Variants in TRNAU1AP observed in about 807,000 individuals in gnomAD.
The protein encoded by TRNAU1AP is tRNA selenocysteine 1 associated protein 1, also known as tRNA selenocysteine 1-associated protein 1.
In TRNAU1AP, 33 loss-of-function variants were observed where a neutral mutation model predicts 43.3. The observed-to-expected ratio is 0.76, with a 90% CI of 0.58 to 1.02. TRNAU1AP has a LOEUF of 1.02. TRNAU1AP is among the 50% of genes least tolerant of loss of function. The pLI is 0.00. For synonymous variants in TRNAU1AP, 143 were observed against 129.1 expected (o/e 1.11, Z -0.73); for missense variants, 290 against 362.7 (o/e 0.80, Z 1.63).
intron 4 of TRNAU1AP, among the ~76,000 whole-genome samples, chr1:28,564,410 T>C (rs1057289142): frequency 6.6e-6 from 1 of 152,236 alleles, no homozygotes; most frequent in Admixed American, 6.5e-5. Context: ...TTATGCAGTT[T>C]TATCTTTTGA....
At chr1:28,555,259 A>G (rs1246162084) in intron 2 of TRNAU1AP, among the ~76,000 whole-genome samples, 1 of 151,964 alleles carries the variant, frequency 6.6e-6, no homozygotes, top group Non-Finnish European at 1.5e-5. Flanking sequence ...ATCTGTGGAG[A>G]TACTACTGTG....
chr1:28,578,248 AC>A lies in TRNAU1AP; in HGVS notation c.*613del, dbSNP rs1665853847. On this transcript the variant is annotated 3_prime_UTR_variant, in exon 9 of 9. Transcript: ENST00000373830. The stretch of plus-strand genomic sequence containing the variant: ...ATCACTTTAGGATCAATATTTTGAC[AC>A]GGGAGAAGGCAGCTCAGAAAGGATT... 1 of 159,530 alleles carries A rather than the reference AC, an allele frequency of 6.3e-6. No individual in the cohort carries two copies. Among genetic ancestry groups the A allele is most frequent in the African/African-American group, 2.4e-5 (1 of 41,470 alleles). 9.9% of individuals were successfully genotyped at this position (159,530 alleles called of 1,614,324 possible). A position where few individuals can be genotyped will look rare whatever the true frequency, so the allele number is the denominator to read the frequency against.
rs749510744 is a variant in TRNAU1AP, at chr1:28,553,736, G to T, written c.124G>T (p.Gly42Trp). The T allele has an allele frequency of 3.9e-5, 63 of 1,613,614 alleles. No individual in the cohort carries two copies. Among genetic ancestry groups the T allele is most frequent in the Non-Finnish European group, 5.2e-5 (61 of 1,179,640 alleles). The change falls in exon 2 of 9, where the codon GGG (glycine) becomes TGG (tryptophan). Residue 42 changes from glycine (G) to tryptophan (W), a missense_variant and splice_region_variant. By Grantham distance (184) the Gly-to-Trp change is radical (BLOSUM62 -2). Transcript: ENST00000373830. ...CAAAATTATCCGAAACCGCCTCACT[G>T]GGTAAGTCTCATCTCAGGTCTCTCT... ...SVKIIRNRLTGIPAGYCFVEF... is the reference protein window; with the variant it reads ...SVKIIRNRLTWIPAGYCFVEF...
intron 8 of TRNAU1AP, among the ~76,000 whole-genome samples, chr1:28,573,633 C>T (rs1025137939): frequency 4.6e-5 from 7 of 152,088 alleles, no homozygotes; most frequent in East Asian, 3.9e-4. Flanking sequence ...ATTAGCCAGG[C>T]GTGGTGTTGC....
intron 6 of TRNAU1AP, among the ~76,000 whole-genome samples, chr1:28,569,641 A>C (rs61786007): frequency 2.0e-5 from 3 of 147,956 alleles, no homozygotes; most frequent in Non-Finnish European, 3.0e-5. Context: ...GCAGTGAGCC[A>C]AGATTGTGCC....
intron 4 of TRNAU1AP, among the ~76,000 whole-genome samples, chr1:28,563,179 C>T (rs1180882723): frequency 6.6e-6 from 1 of 151,744 alleles, no homozygotes; most frequent in Non-Finnish European, 1.5e-5. Context: ...CAGGCATGAG[C>T]CACTGCGCCT....
chr1:28,560,578 A>G (rs978501363), intron 2 of TRNAU1AP, 55 bp from the exon 3 acceptor site: 5 of 1,487,962 alleles, frequency 3.4e-6, no homozygotes, highest in Non-Finnish European at 4.7e-6. Flanking sequence ...GCCTGGCCTC[A>G]TCTTGAGCCA....
intron 8 of TRNAU1AP, among the ~76,000 whole-genome samples, chr1:28,577,021 G>C (rs1045054879): frequency 7.2e-5 from 11 of 152,206 alleles, no homozygotes; most frequent in African/African-American, 9.6e-5. Context: ...AGCTGTAAGT[G>C]TGCCACTGTA....
intron 2 of TRNAU1AP, among the ~76,000 whole-genome samples, chr1:28,557,934 C>T (rs1304152606): frequency 6.8e-6 from 1 of 147,282 alleles, no homozygotes; most frequent in Admixed American, 6.8e-5. Context: ...GAGTCTCTGT[C>T]GCCCAGGCTG....
intron 8 of TRNAU1AP, among the ~76,000 whole-genome samples, chr1:28,576,433 C>T (rs539383768): frequency 8.6e-5 from 13 of 151,764 alleles, no homozygotes; most frequent in African/African-American, 3.1e-4. Context: ...ATTCTCCTGC[C>T]TCAGCCTCCC....
intron 2 of TRNAU1AP, 64 bp from the exon 3 acceptor site, chr1:28,560,569 C>G (rs1466538624): frequency 1.4e-6 from 2 of 1,381,872 alleles, no homozygotes; most frequent in African/African-American, 2.8e-5. Context: ...AGCCATCACG[C>G]CTGGCCTCAT....
intron 5 of TRNAU1AP, 85 bp downstream of exon 5, chr1:28,564,919 A>C (rs1353115783): frequency 1.3e-6 from 2 of 1,551,736 alleles, no homozygotes; most frequent in Non-Finnish European, 1.8e-6. Flanking sequence ...AAGGCCCTGC[A>C]GCATGGCGAT....
At chr1:28,575,597 G>A (rs1665759298) in intron 8 of TRNAU1AP, among the ~76,000 whole-genome samples, 1 of 150,854 alleles carries the variant, frequency 6.6e-6, no homozygotes, top group African/African-American at 2.4e-5. Flanking sequence ...CGAGTAGCTG[G>A]GATTACAGGC....
intron 5 of TRNAU1AP, among the ~76,000 whole-genome samples, chr1:28,566,331 AG>A (rs1336962416): frequency 3.0e-5 from 4 of 132,448 alleles, no homozygotes; most frequent in Non-Finnish European, 5.1e-5. Flanking sequence ...AAAAAAAAAA[AG>A]AAGAGCCGGG....
intron 8 of TRNAU1AP, among the ~76,000 whole-genome samples, chr1:28,572,179 A>T (rs1043373648): frequency 8.6e-5 from 13 of 151,902 alleles, no homozygotes; most frequent in South Asian, 4.2e-4. Flanking sequence ...GCCTCTAACG[A>T]TAATACTGTT....
chr1:28,567,884 C>G (rs771625453), intron 6 of TRNAU1AP, among the ~76,000 whole-genome samples: 1 of 152,158 alleles, frequency 6.6e-6, no homozygotes, highest in Non-Finnish European at 1.5e-5. Context: ...AGACACTTGG[C>G]CGGGCGCAGT....
Position 28,577,851 on chromosome 1 carries a change from C to T in TRNAU1AP, c.*215C>T, listed in dbSNP as rs1665834284. The T allele has an allele frequency of 1.3e-5, 7 of 533,252 alleles. No homozygotes were observed. Among genetic ancestry groups the T allele is most frequent in the East Asian group, 3.6e-5 (1 of 28,130 alleles). 33.0% of individuals were successfully genotyped at this position (533,252 alleles called of 1,614,324 possible). On this transcript the variant is annotated 3_prime_UTR_variant, in exon 9 of 9. Coordinates refer to ENST00000373830, the MANE Select transcript of TRNAU1AP (RefSeq NM_017846.5). ...TTTAAACAAGGTTCAAATTGGTTTC[C>T]TTCACAGGAATCCTTTGTCCAGGTA...
At chr1:28,563,287 C>A (rs943766939) in intron 4 of TRNAU1AP, among the ~76,000 whole-genome samples, 1 of 151,828 alleles carries the variant, frequency 6.6e-6, no homozygotes, top group Non-Finnish European at 1.5e-5. Flanking sequence ...CGGTGGCTCA[C>A]GCCTGTAATC....
intron 8 of TRNAU1AP, among the ~76,000 whole-genome samples, chr1:28,576,631 C>T (rs920431648): frequency 1.3e-5 from 2 of 148,886 alleles, no homozygotes; most frequent in African/African-American, 5.0e-5. Flanking sequence ...CGGGGTTTTG[C>T]TCTTGTTGCC....
Sources: allele counts gnomAD v4.1 joint callset (sites outside exome capture counted in the v4.1 genomes callset), GRCh38; gene constraint gnomAD v4.1.1; transcripts MANE v1.5; gene names NCBI Gene and HGNC (gene_info 2026-07-23, HGNC 2026-07-21).